The following GALNT14 variants were observed in gnomAD, a reference collection of about 807,000 sequenced individuals.
GALNT14 encodes the protein polypeptide N-acetylgalactosaminyltransferase 14, also known as UDP-GalNAc:polypeptide N-acetylgalactosaminyltransferase 14.
Under a neutral mutation model 77.5 loss-of-function variants are expected in GALNT14, and 60 were observed. The observed-to-expected ratio is 0.77, with a 90% CI of 0.63 to 0.96. The LOEUF is 0.96. Among genes scored for constraint, GALNT14 ranks in the 40% least tolerant of loss-of-function variants. The probability of loss-of-function intolerance (pLI) is 0.00; values close to 1 mark genes in which losing one functional copy is unlikely to be tolerated. For missense variants in GALNT14, 710 were observed against 731.0 expected (o/e 0.97, Z 0.33); for synonymous variants, 280 against 281.7 (o/e 0.99, Z 0.06).
chr2:31,056,796 C>T (rs1489322564), intron 1 of GALNT14, among the ~76,000 whole-genome samples: 1 of 152,152 alleles, frequency 6.6e-6, no homozygotes, highest in Non-Finnish European at 1.5e-5. Flanking sequence ...CTAACTGCTG[C>T]AGTTTCAAGG....
At chr2:31,087,834 T>C (rs1000024149) in intron 1 of GALNT14, among the ~76,000 whole-genome samples, 2 of 152,218 alleles carry the variant, frequency 1.3e-5, no homozygotes, top group Admixed American at 6.5e-5. Flanking sequence ...CCCAATGTGA[T>C]GGCATTTGAA....
chr2:31,029,169 G>A (rs989684012), intron 1 of GALNT14, among the ~76,000 whole-genome samples: 7 of 152,206 alleles, frequency 4.6e-5, no homozygotes, highest in African/African-American at 9.7e-5. Flanking sequence ...TGGGGTGACC[G>A]TGAGCAAGTC....
intron 1 of GALNT14, among the ~76,000 whole-genome samples, chr2:31,022,081 A>G (rs1369305521): frequency 6.6e-6 from 1 of 152,202 alleles, no homozygotes; most frequent in Non-Finnish European, 1.5e-5. Context: ...GTTCTGAAAT[A>G]CTGCCTCCTG....
At chr2:31,124,743 T>C (rs993138126) in intron 1 of GALNT14, among the ~76,000 whole-genome samples, 1 of 152,214 alleles carries the variant, frequency 6.6e-6, no homozygotes, top group Non-Finnish European at 1.5e-5. Context: ...CAACCTTAAA[T>C]AACCAGTATG....
intron 12 of GALNT14, 123 bp from the exon 13 acceptor site, chr2:30,924,386 C>T: frequency 7.6e-6 from 8 of 1,051,920 alleles, no homozygotes; most frequent in Non-Finnish European, 1.1e-5. Flanking sequence ...AATATCTGCA[C>T]TGCTCGGGGA....
At chr2:30,887,134 C>T in the GALNT14 span, among the ~76,000 whole-genome samples, 12,213 of 152,222 alleles carry the variant, frequency 0.08, 511 homozygotes, top group African/African-American at 0.11. Flanking sequence ...CATTGATGGA[C>T]GTTTGAATTG....
chr2:30,946,011 T>C (rs1666673410), intron 6 of GALNT14, 141 bp from the exon 7 acceptor site: 2 of 655,706 alleles, frequency 3.1e-6, no homozygotes, highest in African/African-American at 1.8e-5. Flanking sequence ...GATCTTAATT[T>C]TTCCATCTAT....
At chr2:30,923,127 A>C (rs1398870495) in intron 13 of GALNT14, among the ~76,000 whole-genome samples, 2 of 128,470 alleles carry the variant, frequency 1.6e-5, no homozygotes, top group African/African-American at 6.1e-5. Flanking sequence ...CAATGGTGTG[A>C]TCTCGGCTCA....
intron 1 of GALNT14, among the ~76,000 whole-genome samples, chr2:31,115,630 G>T (rs988551599): frequency 4.6e-5 from 7 of 152,230 alleles, no homozygotes; most frequent in African/African-American, 1.7e-4. Flanking sequence ...AGTTCTAGAA[G>T]TGTTAAATTA....
Position 30,933,805 on chromosome 2 carries a change from G to A in GALNT14, c.932-1611C>T, listed in dbSNP as rs75527613. On this transcript the variant is annotated intron_variant, in intron 9 of 14. Transcript: ENST00000349752. The stretch of plus-strand genomic sequence containing the variant: ...CCTTGGGAAACCTGCTTAAGCTCGC[G>A]GAGGCCTGATTTGCTCTTATGTCAA... Among the ~76,000 whole-genome samples the A allele has an allele frequency of 7.2e-3, 1,101 of 152,302 alleles. 17 individuals carry two copies. The highest frequency in any genetic ancestry group is 0.025 in the African/African-American group (1,028 of 41,538).
chr2:31,105,947 C>A, intron 1 of GALNT14, among the ~76,000 whole-genome samples: 1 of 152,126 alleles, frequency 6.6e-6, no homozygotes, highest in African/African-American at 2.4e-5. Context: ...AAACACGGTT[C>A]CTATTATCCT....
Position 31,116,986 on chromosome 2 carries a change from G to A in GALNT14, c.129+20972C>T, listed in dbSNP as rs373929854. ...CAAGAGGCAGAGGTTACAGAGAGCTGAGATCACGCCATTGCACTCCAGCCT... is the reference window on the plus strand; with the variant it reads ...CAAGAGGCAGAGGTTACAGAGAGCTAAGATCACGCCATTGCACTCCAGCCT... On this transcript the variant is annotated intron_variant, in intron 1 of 14. Transcript: ENST00000349752. 7.2e-5 allele frequency among the ~76,000 whole-genome samples: 11 copies of A among 152,070 alleles called. 1 individual carries two copies. The South Asian group carries it at 1.9e-3, about 26-fold the overall frequency.
intron 1 of GALNT14, chr2:31,065,389 G>T (rs78750356): frequency 1.3e-5 from 2 of 152,130 alleles, no homozygotes; most frequent in African/African-American, 4.8e-5. Context: ...AGTCAGTAGC[G>T]CTCTCAGAGA....
chr2:30,970,703 G>A (rs1275295214), intron 2 of GALNT14, among the ~76,000 whole-genome samples: 1 of 152,102 alleles, frequency 6.6e-6, no homozygotes, highest in Non-Finnish European at 1.5e-5. Context: ...CTCTGTCCCT[G>A]CAGAGTAAAG....
At chr2:30,980,833 G>A (rs1558463082) in intron 2 of GALNT14, among the ~76,000 whole-genome samples, 1 of 152,246 alleles carries the variant, frequency 6.6e-6, no homozygotes, top group Non-Finnish European at 1.5e-5. Context: ...TGTAATCCCA[G>A]CACTTTGGGA....
chr2:30,926,704 C>T (rs1216061161), intron 11 of GALNT14, among the ~76,000 whole-genome samples: 2 of 149,992 alleles, frequency 1.3e-5, no homozygotes, highest in South Asian at 2.1e-4. Flanking sequence ...AACGCCATGC[C>T]TGCAGAGTTC....
At chr2:30,959,655 T>C (rs1449600201) in intron 3 of GALNT14, among the ~76,000 whole-genome samples, 1 of 152,234 alleles carries the variant, frequency 6.6e-6, no homozygotes, top group African/African-American at 2.4e-5. Flanking sequence ...ATTTGGCACT[T>C]TATGATAACA....
At chr2:30,982,904 G>C (rs1358188654) in intron 2 of GALNT14, among the ~76,000 whole-genome samples, 2 of 152,152 alleles carry the variant, frequency 1.3e-5, no homozygotes, top group African/African-American at 4.8e-5. Context: ...ACTGAACTGG[G>C]ACATGGAAAG....
At chr2:31,007,439 C>G (rs184503605) in intron 1 of GALNT14, among the ~76,000 whole-genome samples, 1 of 152,188 alleles carries the variant, frequency 6.6e-6, no homozygotes, top group African/African-American at 2.4e-5. Flanking sequence ...CCAAATGACA[C>G]GCGTGTCACC....
Sources: gnomAD v4.1 joint callset for allele counts (sites outside exome capture counted in the v4.1 genomes callset) on GRCh38, gnomAD v4.1.1 for gene constraint, MANE v1.5 for transcripts, NCBI Gene and HGNC (gene_info 2026-07-23, HGNC 2026-07-21) for gene names.